Variants in ITGA7 observed in about 807,000 individuals in gnomAD.
ITGA7 encodes integrin subunit alpha 7, also known as integrin alpha-7.
A neutral mutation model predicts 131.6 loss-of-function variants in ITGA7; 84 were observed. The ratio of observed to expected loss-of-function variants is 0.64; its 90% CI spans 0.54 to 0.77. The LOEUF is 0.77. Among genes scored for constraint, ITGA7 ranks in the 30% least tolerant of loss-of-function variants. The probability of loss-of-function intolerance (pLI) is 0.00; values close to 1 mark genes in which losing one functional copy is unlikely to be tolerated. For missense variants in ITGA7, 1,399 were observed against 1,482.9 expected, an observed-to-expected ratio of 0.94 and a Z score of 0.93; for synonymous variants, 548 against 600.7, an observed-to-expected ratio of 0.91 and a Z score of 1.28.
chr12:55,693,342 G>T, intron 19 of ITGA7, 25 bp from the exon 20 acceptor site: 2 of 1,593,544 alleles, frequency 1.3e-6, no homozygotes, highest in East Asian at 4.5e-5. Flanking sequence ...GAGTATGAGG[G>T]GAGAGACCTC....
intron 21 of ITGA7, among the ~76,000 whole-genome samples, chr12:55,689,739 A>G (rs1258465159): frequency 2.6e-5 from 4 of 152,230 alleles, no homozygotes; most frequent in Non-Finnish European, 5.9e-5. Flanking sequence ...CTTTTTAGTA[A>G]AAGAATCTAC....
chr12:55,700,475 G>A (rs961848604), intron 4 of ITGA7: 37 of 1,492,184 alleles, frequency 2.5e-5, no homozygotes, highest in East Asian at 6.9e-5. Context: ...ACAGGCACAC[G>A]GGGAAGCCCT....
At chr12:55,686,026 T>C (rs1224043227) in intron 24 of ITGA7, among the ~76,000 whole-genome samples, 1 of 152,246 alleles carries the variant, frequency 6.6e-6, no homozygotes, top group Admixed American at 6.5e-5. Context: ...CCTCAGGCTG[T>C]GTAGACTTAC....
Position 55,694,779 on chromosome 12 carries a change from G to A in ITGA7, c.2195C>T (p.Ala732Val), listed in dbSNP as rs368879643. ...HYSGVRALDP[A>V]EKPLCLSNEN... ...CCCATCCTGCCCCCAGGTCCTCACC[G>A]CAGGGTCCAGGGCCCGGACCCCTGA... Residue 732 changes from alanine to valine, a missense_variant and splice_region_variant, in exon 15 of 25, where the codon GCG (alanine) becomes GTG (valine). Transcript: ENST00000257879. This position sits in a 1 kb window ranked among gnomAD's most constrained non-coding sequence, Gnocchi z 5.3. The A allele has an allele frequency of 2.0e-5, 33 of 1,613,068 alleles. No homozygotes were observed. The highest frequency in any genetic ancestry group is 5.5e-5 in the South Asian group (5 of 91,048).
At chr12:55,710,961 AT>A (rs1876054532), upstream of ITGA7, among the ~76,000 whole-genome samples, 1 of 152,198 alleles carries the variant, frequency 6.6e-6, no homozygotes, top group Non-Finnish European at 1.5e-5. Context: ...GATTATCCAA[AT>A]CTATACAAGA....
At position 55,694,397 on chromosome 12, in the gene ITGA7, C is replaced by A; in HGVS notation, c.2357+46G>T. 1 of 1,611,558 alleles carries A rather than the reference C, an allele frequency of 6.2e-7. No homozygotes were observed. The highest frequency in any genetic ancestry group is 1.1e-5 in the South Asian group (1 of 91,014). On this transcript the variant is annotated intron_variant, in intron 17 of 24. Coordinates refer to ENST00000257879, the MANE Select transcript of ITGA7 (RefSeq NM_002206.3). This position sits in a 1 kb window ranked among gnomAD's most constrained non-coding sequence, Gnocchi z 5.3. ...CACCTCCCAAGGGGTCAGATGAGGTCAATATGACTACCCCCACCTCACCCT... is the reference window on the plus strand; with the variant it reads ...CACCTCCCAAGGGGTCAGATGAGGTAAATATGACTACCCCCACCTCACCCT...
chr12:55,702,337 C>T (rs538008555), intron 3 of ITGA7, among the ~76,000 whole-genome samples: 4 of 152,324 alleles, frequency 2.6e-5, no homozygotes, highest in South Asian at 2.1e-4. Context: ...CCCGCCACCA[C>T]GCCCGGCTAA....
rs1488666622 is a variant in ITGA7 at position 55,697,213 on chromosome 12, C to A, written c.1567+3G>T. 1.9e-6 allele frequency: 3 copies of A among 1,595,798 alleles called. No individual in the cohort carries two copies. Among genetic ancestry groups the A allele is most frequent in the African/African-American group, 2.7e-5 (2 of 74,764 alleles). On this transcript the variant is annotated splice_donor_region_variant and intron_variant, in intron 11 of 24. Transcript: ENST00000257879. Reference sequence around the variant, plus strand: ...CGAGCCACAGAGGGGGGACCGCACTCACCCACAGTAGGGCTATAGCTGCTG... The same window carrying A: ...CGAGCCACAGAGGGGGGACCGCACTAACCCACAGTAGGGCTATAGCTGCTG...
At position 55,688,926 on chromosome 12, in the gene ITGA7, A is replaced by G. The variant is rs139858869; in HGVS notation, c.2876T>C (p.Val959Ala). The change falls in exon 22 of 25, where the codon GTG (valine) becomes GCG (alanine). Residue 959 changes from valine (V) to alanine (A), a missense_variant. Val to Ala is a moderately conservative substitution (Grantham distance 64). Coordinates refer to ENST00000257879, the MANE Select transcript of ITGA7 (RefSeq NM_002206.3). Reference sequence around the variant, plus strand: ...AAAGCTGTAGAGTGGGCAGCTGAACACCACACAGTTGGCCGTGCCCCGGGC... The same window carrying G: ...AAAGCTGTAGAGTGGGCAGCTGAACGCCACACAGTTGGCCGTGCCCCGGGC... ...DCARGTANCV[V>A]FSCPLYSFDR... is the part of the protein sequence containing the mutation. 15 of 1,613,998 alleles carry G rather than the reference A, an allele frequency of 9.3e-6. No individual in the cohort carries two copies. In the African/African-American group the frequency reaches 1.1e-4, roughly 11 times the overall value.
chr12:55,707,257 C>G (rs1875391263), intron 1 of ITGA7, among the ~76,000 whole-genome samples: 1 of 152,154 alleles, frequency 6.6e-6, no homozygotes, highest in Non-Finnish European at 1.5e-5. Flanking sequence ...ACCTTGCTTT[C>G]CAACTCATCC....
At position 55,685,391 on chromosome 12, in the gene ITGA7, G is replaced by A. The variant is rs146570241; in HGVS notation, c.3184-103C>T. On this transcript the variant is annotated intron_variant, in intron 24 of 24. Coordinates refer to ENST00000257879, the MANE Select transcript of ITGA7 (RefSeq NM_002206.3). ...TCCTCACCCTCACCATCCCTGCTGC[G>A]GCAGAAAGGAAATAGGCTGAATAGC... 1,478 of 1,062,058 alleles carry A rather than the reference G, an allele frequency of 1.4e-3. 14 individuals are homozygous for A. The African/African-American group carries it at 0.021, about 15-fold the overall frequency. 65.8% of individuals were successfully genotyped at this position (1,062,058 alleles called of 1,614,324 possible). A position where few individuals can be genotyped will look rare whatever the true frequency, so the allele number is the denominator to read the frequency against.
intron 3 of ITGA7, among the ~76,000 whole-genome samples, chr12:55,702,049 CTT>C (rs1379727741): frequency 1.3e-5 from 2 of 152,144 alleles, no homozygotes; most frequent in African/African-American, 4.8e-5. Flanking sequence ...GAACTTTGCT[CTT>C]GTCTCCCAGG....
chr12:55,709,453 A>G (rs577672929), upstream of ITGA7, among the ~76,000 whole-genome samples: 4 of 152,310 alleles, frequency 2.6e-5, no homozygotes, highest in East Asian at 7.7e-4. Context: ...CTGTTTTCCA[A>G]TACTACACCT....
Position 55,684,597 on chromosome 12 carries a change from G to C in ITGA7, c.*461C>G. On this transcript the variant is annotated 3_prime_UTR_variant, in exon 25 of 25. Coordinates refer to ENST00000257879, the MANE Select transcript of ITGA7 (RefSeq NM_002206.3). ...GTTCTCAAATATTTTTTAATAAATA[G>C]ACGAAACCACGAAACCACTAGACTG... The C allele has an allele frequency of 5.8e-6, 1 of 172,074 alleles. No homozygotes were observed. The highest frequency in any genetic ancestry group is 1.2e-5 in the Non-Finnish European group (1 of 80,466). 10.7% of individuals were successfully genotyped at this position (172,074 alleles called of 1,614,324 possible).
rs1200517591 is a variant in ITGA7 at position 55,694,737 on chromosome 12, G to A, written c.2196+41C>T. The stretch of plus-strand genomic sequence containing the variant: ...GGCAAGGTCAGTCTGGGTTACTGGA[G>A]CCCCTCAAGACCCCACCCCATCCTG... On this transcript the variant is annotated intron_variant, in intron 15 of 24. Transcript: ENST00000257879. The surrounding 1 kb of genome is among the most constrained non-coding windows in gnomAD (Gnocchi z 5.3). 1 of 1,613,848 alleles carries A rather than the reference G, an allele frequency of 6.2e-7. No individual in the cohort carries two copies. The highest frequency in any genetic ancestry group is 1.1e-5 in the South Asian group (1 of 91,074).
At chr12:55,687,105 C>T (rs1300319278) in intron 24 of ITGA7, among the ~76,000 whole-genome samples, 1 of 151,182 alleles carries the variant, frequency 6.6e-6, no homozygotes, top group Non-Finnish European at 1.5e-5. Context: ...TCCTTGACTA[C>T]AGGCTCACCA....
chr12:55,710,955 A>G (rs1259559229), upstream of ITGA7, among the ~76,000 whole-genome samples: 2 of 152,226 alleles, frequency 1.3e-5, no homozygotes, highest in Non-Finnish European at 1.5e-5. Context: ...GGTGGTGATT[A>G]TCCAAATCTA....
intron 3 of ITGA7, 164 bp from the exon 4 acceptor site, chr12:55,701,318 A>C (rs572723695): frequency 1.3e-6 from 2 of 1,565,178 alleles, no homozygotes; most frequent in African/African-American, 2.7e-5. Context: ...CCACTCAAGC[A>C]CCATTACCCT....
At chr12:55,689,435 C>G (rs1314031449) in intron 21 of ITGA7, among the ~76,000 whole-genome samples, 2 of 152,190 alleles carry the variant, frequency 1.3e-5, no homozygotes, top group African/African-American at 4.8e-5. Context: ...TCGGCAAAGC[C>G]ACACCCCTGC....
Sources: gnomAD v4.1 joint callset for allele counts (sites outside exome capture counted in the v4.1 genomes callset) on GRCh38, gnomAD v4.1.1 for gene constraint, Gnocchi (gnomAD v3.1) non-coding constraint, MANE v1.5 for transcripts, NCBI Gene and HGNC (gene_info 2026-07-23, HGNC 2026-07-21) for gene names.